NAV2: variants seen among roughly 807,000 people sequenced by gnomAD.
The protein encoded by NAV2 is neuron navigator 2, also known as helicase, APC down-regulated 1.
In NAV2, 54 loss-of-function variants were observed where a neutral mutation model predicts 223.2. The observed-to-expected ratio is 0.24, with a 90% CI of 0.19 to 0.30. NAV2 has a LOEUF of 0.30. Ranked by LOEUF, NAV2 falls within the 10% of genes least tolerant of loss-of-function variation. The pLI, the probability that NAV2 is intolerant of heterozygous loss-of-function variation, is 1.00. For missense variants in NAV2, 2,806 were observed against 3,147.5 expected, an observed-to-expected ratio of 0.89 and a Z score of 2.60; for synonymous variants, 1,279 against 1,239.3, an observed-to-expected ratio of 1.03 and a Z score of -0.67.
At chr11:19,877,278 C>G (rs1478981157) in intron 4 of NAV2, among the ~76,000 whole-genome samples, 2 of 151,888 alleles carry the variant, frequency 1.3e-5, no homozygotes, top group Non-Finnish European at 2.9e-5. Context: ...TTAATAATAG[C>G]TCTTATTGTT....
intron 6 of NAV2, among the ~76,000 whole-genome samples, chr11:19,914,703 C>G (rs544805089): frequency 8.8e-4 from 134 of 151,950 alleles, no homozygotes; most frequent in African/African-American, 3.1e-3. Context: ...CGCCACCGCG[C>G]CCGGCTAATT....
chr11:19,549,744 A>G (rs2044628419), intron 1 of NAV2, among the ~76,000 whole-genome samples: 1 of 152,226 alleles, frequency 6.6e-6, no homozygotes, highest in Non-Finnish European at 1.5e-5. Context: ...CAATCGTGAT[A>G]CAGCGTAGAG....
At chr11:20,085,359 C>T (rs1825625589) in intron 26 of NAV2, among the ~76,000 whole-genome samples, 1 of 152,110 alleles carries the variant, frequency 6.6e-6, no homozygotes, top group South Asian at 2.1e-4. Flanking sequence ...TACTCATGGA[C>T]CCTGTATACC....
intron 1 of NAV2, among the ~76,000 whole-genome samples, chr11:19,373,926 T>A (rs1848554746): frequency 6.6e-6 from 1 of 152,160 alleles, no homozygotes. Context: ...CACCTGCTTT[T>A]TTCCCCCCTC....
intron 1 of NAV2, among the ~76,000 whole-genome samples, chr11:19,426,337 C>T (rs1850825848): frequency 6.6e-6 from 1 of 152,134 alleles, no homozygotes; most frequent in Non-Finnish European, 1.5e-5. Context: ...CCAGCTTCCC[C>T]AGGGCATTTA....
intron 1 of NAV2, among the ~76,000 whole-genome samples, chr11:19,765,914 C>G (rs1443867430): frequency 2.6e-5 from 4 of 152,126 alleles, no homozygotes; most frequent in African/African-American, 9.7e-5. Context: ...GCTTCTCTCT[C>G]TAGGACTTAC....
chr11:19,819,145 T>A (rs1318712628), intron 1 of NAV2, among the ~76,000 whole-genome samples: 1 of 152,178 alleles, frequency 6.6e-6, no homozygotes, highest in Admixed American at 6.5e-5. Context: ...GTGTTTTAAA[T>A]ATGTATAAAA....
At chr11:20,115,631 CAAAAAAAAA>C (rs386373266) in intron 37 of NAV2, among the ~76,000 whole-genome samples, 1 of 47,864 alleles carries the variant, frequency 2.1e-5, no homozygotes, top group African/African-American at 8.0e-5. Flanking sequence ...GACTCCGTCT[CAAAAAAAAA>C]AAAAAAAAAA....
chr11:19,539,452 T>C (rs2044280042), intron 1 of NAV2, among the ~76,000 whole-genome samples: 1 of 152,250 alleles, frequency 6.6e-6, no homozygotes, highest in Non-Finnish European at 1.5e-5. Context: ...AATCACATTG[T>C]GAAATACTTA....
chr11:19,458,505 A>G (rs1236674310), intron 1 of NAV2, among the ~76,000 whole-genome samples: 1 of 152,194 alleles, frequency 6.6e-6, no homozygotes, highest in East Asian at 1.9e-4. Context: ...CTACAAATGA[A>G]TTGTGATAAT....
intron 1 of NAV2, among the ~76,000 whole-genome samples, chr11:19,818,227 AGTG>A (rs1455311409): frequency 1.3e-4 from 12 of 91,346 alleles, no homozygotes; most frequent in African/African-American, 5.6e-4. Context: ...GTGTGTATTT[AGTG>A]ATTTTTTTTT....
At chr11:20,062,259 T>C in intron 19 of NAV2, 48 bp from the exon 20 acceptor site, 5 of 1,454,534 alleles carry the variant, frequency 3.4e-6, no homozygotes, top group Non-Finnish European at 4.8e-6. Flanking sequence ...CCCTTTTTGG[T>C]TCCATAACAG....
At chr11:19,456,216 C>T (rs1851955266) in intron 1 of NAV2, among the ~76,000 whole-genome samples, 1 of 152,184 alleles carries the variant, frequency 6.6e-6, no homozygotes. Flanking sequence ...TTAAAGGATA[C>T]CTGTGATATA....
chr11:20,044,930 C>G, intron 13 of NAV2, 38 bp from the exon 14 acceptor site: 1 of 1,542,156 alleles, frequency 6.5e-7, no homozygotes. Flanking sequence ...TGAGCTGGCT[C>G]TTGGCTTGCA....
chr11:20,074,582 G>A (rs2059603724), intron 22 of NAV2, among the ~76,000 whole-genome samples: 1 of 152,010 alleles, frequency 6.6e-6, no homozygotes, highest in Admixed American at 6.5e-5. Context: ...CTCTTTGTAG[G>A]TCTCTAAGGA....
chr11:19,952,862 T>G (rs1257352088), intron 10 of NAV2, among the ~76,000 whole-genome samples: 1 of 151,708 alleles, frequency 6.6e-6, no homozygotes, highest in Non-Finnish European at 1.5e-5. Flanking sequence ...TCTTACACTT[T>G]GTGTGTGTGT....
intron 1 of NAV2, among the ~76,000 whole-genome samples, chr11:19,667,459 G>A (rs969117525): frequency 1.3e-5 from 2 of 152,180 alleles, no homozygotes; most frequent in Non-Finnish European, 2.9e-5. Flanking sequence ...TGTGCTTTGG[G>A]GGCACGAGGA....
chr11:19,740,804 A>G (rs1439204861), intron 1 of NAV2, among the ~76,000 whole-genome samples: 1 of 152,252 alleles, frequency 6.6e-6, no homozygotes, highest in Non-Finnish European at 1.5e-5. Context: ...CCTATAAGGT[A>G]GACACTATTA....
chr11:19,470,303 T>C (rs757412612), intron 1 of NAV2, among the ~76,000 whole-genome samples: 1 of 152,174 alleles, frequency 6.6e-6, no homozygotes, highest in African/African-American at 2.4e-5. Flanking sequence ...GAAAGGGTGA[T>C]TGGAGAGGAC....
Sources: gnomAD v4.1 joint callset for allele counts (sites outside exome capture counted in the v4.1 genomes callset) on GRCh38, gnomAD v4.1.1 for gene constraint, MANE v1.5 for transcripts, NCBI Gene and HGNC (gene_info 2026-07-23, HGNC 2026-07-21) for gene names.